The following SCAF4 variants were observed in gnomAD, a reference collection of about 807,000 sequenced individuals.
SCAF4 encodes the protein SR-related and CTD-associated factor 4.
In SCAF4, 25 loss-of-function variants were observed where a neutral mutation model predicts 129.8. The observed-to-expected ratio is 0.19, with a 90% CI of 0.14 to 0.27. The LOEUF (loss-of-function observed/expected upper bound fraction) is 0.27, where lower values mean the gene tolerates loss of function less well. SCAF4 is among the 10% of genes least tolerant of loss of function. The pLI is 1.00. For missense variants in SCAF4, 1,246 were observed against 1,457.1 expected (o/e 0.86, Z 2.36); for synonymous variants, 551 against 497.7 (o/e 1.11, Z -1.43).
chr21:31,722,001 T>C (rs1045788969), intron 1 of SCAF4, among the ~76,000 whole-genome samples: 1 of 152,132 alleles, frequency 6.6e-6, no homozygotes, highest in Admixed American at 6.5e-5. Context: ...ATTACAGGCG[T>C]GAGCCACCAC....
chr21:31,714,615 G>C (rs1385746362), intron 1 of SCAF4, among the ~76,000 whole-genome samples: 1 of 152,146 alleles, frequency 6.6e-6, no homozygotes, highest in Non-Finnish European at 1.5e-5. Flanking sequence ...AAGAACGAGG[G>C]TATCTGGCCT....
chr21:31,700,820 CATAT>C lies in SCAF4; in HGVS notation c.777+171_777+174del, dbSNP rs2050510804. 12 of 724,686 alleles carry C rather than the reference CATAT, an allele frequency of 1.7e-5. No homozygotes were observed. In the East Asian group the frequency reaches 3.5e-4, roughly 21 times the overall value. The allele number at this position is 724,686 out of a possible 1,614,324, so 44.9% of individuals were successfully genotyped here. On this transcript the variant is annotated intron_variant, in intron 7 of 19. Transcript: ENST00000286835. ...ACCCTGGAAATTTTTGCACTGAGCA[CATAT>C]CACATTTAAAACCAGGGAAAATAAT...
chr21:31,688,490 A>G (rs1303793658), intron 15 of SCAF4, 26 bp from the exon 16 acceptor site: 2 of 1,578,462 alleles, frequency 1.3e-6, no homozygotes, highest in Middle Eastern at 1.7e-4. Flanking sequence ...AAATTTAACA[A>G]GAGTTTACCA....
rs754274667 is a variant in SCAF4 at position 31,671,762 on chromosome 21, G to A, written c.3081C>T (p.Asn1027=). The change falls in exon 20 of 20, where the codon AAC becomes AAT. Residue 1027 remains asparagine, a synonymous_variant. Transcript: ENST00000286835. The part of the protein sequence containing the change: ...GNRNDDRDNS[N]RDRREWGRRS... ...TCCTTCCCCACTCTCTCCTGTCACG[G>A]TTACTATTATCTCTATCATCATTAC... 1 of 1,614,000 alleles carries A rather than the reference G, an allele frequency of 6.2e-7. No homozygotes were observed.
At chr21:31,694,717 A>G (rs1012726577) in intron 10 of SCAF4, 96 bp downstream of exon 10, 5 of 1,234,378 alleles carry the variant, frequency 4.1e-6, no homozygotes, top group Non-Finnish European at 5.9e-6. Flanking sequence ...GTCTTTCTTC[A>G]TATTCAAAAA....
intron 10 of SCAF4, among the ~76,000 whole-genome samples, chr21:31,694,534 T>C (rs571702703): frequency 1.3e-5 from 2 of 152,324 alleles, no homozygotes; most frequent in South Asian, 4.1e-4. Flanking sequence ...TTACTTTGCT[T>C]AAATTACATA....
At chr21:31,705,571 T>A (rs1411683955) in intron 2 of SCAF4, 104 bp from the exon 3 acceptor site, 12 of 427,734 alleles carry the variant, frequency 2.8e-5, no homozygotes, top group Non-Finnish European at 4.2e-5. Context: ...CTAAATATTA[T>A]CAATACTGAA....
In SCAF4 at chr21:31,696,603, C is replaced by A. The variant is rs148351634; in HGVS notation, c.925G>T (p.Ala309Ser). The stretch of plus-strand genomic sequence containing the variant: ...TGTGGAGGAGGAGGAGAGGCAGCAG[C>A]GGGTGCAGCAGCAGCAGGCACGGTG... ...TATVPAAAAP[A>S]AASPPPPQAP... Residue 309 changes from alanine (A) to serine (S), a missense_variant, in exon 8 of 20, where the codon GCT (alanine) becomes TCT (serine). Ala to Ser is a moderately conservative substitution (Grantham distance 99). This residue lies in a region of SCAF4 where 236 missense variants were observed against 210.0 expected (regional missense o/e 1.12). Coordinates refer to ENST00000286835, the MANE Select transcript of SCAF4 (RefSeq NM_020706.2). 6.2e-7 allele frequency: 1 copy of A among 1,609,658 alleles called. No individual in the cohort carries two copies. Among genetic ancestry groups the A allele is most frequent in the South Asian group, 1.1e-5 (1 of 90,612 alleles).
At chr21:31,696,293 C>CA in intron 8 of SCAF4, 72 bp from the exon 9 acceptor site, 2 of 1,175,368 alleles carry the variant, frequency 1.7e-6, no homozygotes, top group East Asian at 2.3e-5. Flanking sequence ...ATTACAGAAA[C>CA]AGAGTGTTGT....
intron 19 of SCAF4, 76 bp from the exon 20 acceptor site, chr21:31,672,430 T>A: frequency 8.9e-7 from 1 of 1,125,534 alleles, no homozygotes; most frequent in Non-Finnish European, 1.3e-6. Context: ...CTGTGGCGCT[T>A]AAAGCAAAAT....
intron 1 of SCAF4, among the ~76,000 whole-genome samples, chr21:31,726,349 C>A (rs1378420503): frequency 6.6e-6 from 1 of 152,112 alleles, no homozygotes; most frequent in Non-Finnish European, 1.5e-5. Context: ...CTGGCGGTGG[C>A]CCTTAACCTT....
intron 19 of SCAF4, among the ~76,000 whole-genome samples, chr21:31,682,186 C>T (rs898278001): frequency 1.3e-5 from 2 of 152,108 alleles, no homozygotes; most frequent in Non-Finnish European, 2.9e-5. Context: ...CAAGACCATC[C>T]TGGCCAACAT....
intron 1 of SCAF4, among the ~76,000 whole-genome samples, chr21:31,716,604 T>C (rs2050926033): frequency 6.6e-6 from 1 of 152,140 alleles, no homozygotes; most frequent in Non-Finnish European, 1.5e-5. Flanking sequence ...TAACAAAAGA[T>C]AATTTTAAAC....
rs191682298 is a variant in SCAF4, at chr21:31,713,740, C to T, written c.31-7383G>A. Among the ~76,000 whole-genome samples, 62 of 25,504 alleles carry T rather than the reference C, an allele frequency of 2.4e-3. No homozygotes were observed. The East Asian group carries it at 0.05, about 21-fold the overall frequency. 16.7% of individuals were successfully genotyped at this position (25,504 alleles called of 152,430 possible). On this transcript the variant is annotated intron_variant, in intron 1 of 19. Transcript: ENST00000286835. ...ATTAATAAATTTCTCATGGGCAAACCGGAGCGGGGGTGGGGTGGGGGGGGC... is the reference window on the plus strand; with the variant it reads ...ATTAATAAATTTCTCATGGGCAAACTGGAGCGGGGGTGGGGTGGGGGGGGC...
chr21:31,723,627 TGTGCGCGCGC>T (rs1006186052), intron 1 of SCAF4, among the ~76,000 whole-genome samples: 20 of 142,680 alleles, frequency 1.4e-4, no homozygotes, highest in East Asian at 4.1e-4. Flanking sequence ...TGTGTGTGTG[TGTGCGCGCGC>T]GCGCGCGCGC....
chr21:31,729,215 A>T (rs2051285131), intron 1 of SCAF4, among the ~76,000 whole-genome samples: 1 of 152,206 alleles, frequency 6.6e-6, no homozygotes, highest in Non-Finnish European at 1.5e-5. Flanking sequence ...AAACTACTTT[A>T]CCATCCTTAC....
At chr21:31,727,607 C>T (rs2051238441) in intron 1 of SCAF4, among the ~76,000 whole-genome samples, 1 of 152,048 alleles carries the variant, frequency 6.6e-6, no homozygotes, top group Non-Finnish European at 1.5e-5. Flanking sequence ...TCCTGGCCAA[C>T]ATGGTGAAAC....
intron 19 of SCAF4, among the ~76,000 whole-genome samples, chr21:31,681,665 T>C (rs1475200945): frequency 4.6e-5 from 7 of 152,200 alleles, no homozygotes; most frequent in Non-Finnish European, 1.0e-4. Flanking sequence ...AAGTAATAAT[T>C]ATTGCGCATC....
At position 31,685,381 on chromosome 21, in the gene SCAF4, G is replaced by GA. The variant is rs754249932; in HGVS notation, c.2296+16dup. ...CTCCAAGAGGATAAGCAAACACAAA[G>GA]AAAAAAACATGCTTACAGTTTGGGA... On this transcript the variant is annotated intron_variant, in intron 18 of 19. Transcript: ENST00000286835. The GA allele has an allele frequency of 2.5e-6, 4 of 1,596,222 alleles. No individual in the cohort carries two copies. The highest frequency in any genetic ancestry group is 3.4e-6 in the Non-Finnish European group (4 of 1,170,284).
Sources: gnomAD v4.1 joint callset for allele counts (sites outside exome capture counted in the v4.1 genomes callset) on GRCh38, gnomAD v4.1.1 for gene constraint, gnomAD v4.1.1 regional missense constraint, MANE v1.5 for transcripts, NCBI Gene and HGNC (gene_info 2026-07-23, HGNC 2026-07-21) for gene names.